PLXNB1: variants seen among roughly 807,000 people sequenced by gnomAD.
PLXNB1 encodes the protein plexin-B1.
A neutral mutation model predicts 209.4 loss-of-function variants in PLXNB1; 106 were observed. That is an observed-to-expected ratio of 0.51 (90% CI 0.43 to 0.59). The LOEUF (loss-of-function observed/expected upper bound fraction) is 0.59, where lower values mean the gene tolerates loss of function less well. PLXNB1 is among the 20% of genes least tolerant of loss of function. PLXNB1 has a pLI of 0.00. For missense variants in PLXNB1, 2,357 were observed against 2,853.2 expected, an observed-to-expected ratio of 0.83 and a Z score of 3.96; for synonymous variants, 1,167 against 1,183.2, an observed-to-expected ratio of 0.99 and a Z score of 0.28.
chr3:48,410,710 G>T lies in PLXNB1; in HGVS notation c.5417-152C>A. ...ACCAAGAGCAGGGACCCCCTCCCCA[G>T]ATGAGAGGCTGTCCAAGAAAGATGT... On this transcript the variant is annotated intron_variant, in intron 29 of 37. Transcript: ENST00000296440. The surrounding 1 kb of genome is among the most constrained non-coding windows in gnomAD (Gnocchi z 6.4). 1 of 940,476 alleles carries T rather than the reference G, an allele frequency of 1.1e-6. No homozygotes were observed. The highest frequency in any genetic ancestry group is 1.6e-6 in the Non-Finnish European group (1 of 621,564). 58.3% of individuals were successfully genotyped at this position (940,476 alleles called of 1,614,324 possible).
Position 48,405,379 on chromosome 3 carries a change from C to A in PLXNB1, c.6303+345G>T, listed in dbSNP as rs2037251366. On this transcript the variant is annotated intron_variant, in intron 37 of 37. Coordinates refer to ENST00000296440, the MANE Select transcript of PLXNB1 (RefSeq NM_001130082.3). The surrounding 1 kb of genome is among the most constrained non-coding windows in gnomAD (Gnocchi z 5.0). ...CCTCTTCGCAGCTCATGCAGCCAAGCCAGGCCTGCACTTGCATGTTGGCCG... is the reference window on the plus strand; with the variant it reads ...CCTCTTCGCAGCTCATGCAGCCAAGACAGGCCTGCACTTGCATGTTGGCCG... Among the ~76,000 whole-genome samples, 1 of 152,194 alleles carries A rather than the reference C, an allele frequency of 6.6e-6. No individual in the cohort carries two copies. Among genetic ancestry groups the A allele is most frequent in the African/African-American group, 2.4e-5 (1 of 41,462 alleles).
intron 7 of PLXNB1, 102 bp downstream of exon 7, chr3:48,421,572 C>CA (rs1473429429): frequency 4.8e-6 from 6 of 1,262,988 alleles, no homozygotes; most frequent in Non-Finnish European, 5.5e-6. Context: ...TGTGTGAGGC[C>CA]ATGTGGTATC....
Position 48,410,215 on chromosome 3 carries a change from C to T in PLXNB1, c.5605+81G>A. The stretch of plus-strand genomic sequence containing the variant: ...CCGAATGGAAATAGGCACAAGCCTG[C>T]CCTGAGGCCCAGAGGACCTTCCCCA... On this transcript the variant is annotated intron_variant, in intron 31 of 37. Coordinates refer to ENST00000296440, the MANE Select transcript of PLXNB1 (RefSeq NM_001130082.3). The surrounding 1 kb of genome is among the most constrained non-coding windows in gnomAD (Gnocchi z 6.4). 1.4e-6 allele frequency: 2 copies of T among 1,459,380 alleles called. No homozygotes were observed. Among genetic ancestry groups the T allele is most frequent in the Non-Finnish European group, 9.3e-7 (1 of 1,070,934 alleles). 90.4% of individuals were successfully genotyped at this position (1,459,380 alleles called of 1,614,324 possible).
intron 37 of PLXNB1, among the ~76,000 whole-genome samples, chr3:48,404,952 C>T (rs1179098152): frequency 6.6e-6 from 1 of 152,162 alleles, no homozygotes; most frequent in Non-Finnish European, 1.5e-5. Context: ...TGACCAGACA[C>T]GTGGTGGGAA....
In PLXNB1 at chr3:48,418,456, C is replaced by A; in HGVS notation, c.3042G>T (p.Gly1014=). 6.2e-7 allele frequency: 1 copy of A among 1,613,270 alleles called. No homozygotes were observed. The highest frequency in any genetic ancestry group is 8.5e-7 in the Non-Finnish European group (1 of 1,179,846). ...AGCCCGCAGGTGGCTCACCATGCAG[C>A]CCCTCAGCACTGTCCACACGCAGAC... ...AGRLRVDSAE[G]LHVVLYDCSV... Residue 1014 remains glycine, a synonymous_variant, in exon 14 of 38, where the codon GGG becomes GGT. Transcript: ENST00000296440. The surrounding 1 kb of genome is among the most constrained non-coding windows in gnomAD (Gnocchi z 6.6).
rs915352090 is a variant in PLXNB1 at position 48,410,811 on chromosome 3, G to A, written c.5416+57C>T. 5.3e-5 allele frequency: 81 copies of A among 1,518,480 alleles called. No homozygotes were observed. In the South Asian group the frequency reaches 7.1e-4, roughly 13 times the overall value. The allele number at this position is 1,518,480 out of a possible 1,614,324, so 94.1% of individuals were successfully genotyped here. ...TGAGTTGTCCCTGCAGAGTTGGTCC[G>A]GGGCCAGCCCAGGCCCAACAGTGGC... On this transcript the variant is annotated intron_variant, in intron 29 of 37. Coordinates refer to ENST00000296440, the MANE Select transcript of PLXNB1 (RefSeq NM_001130082.3). The surrounding 1 kb of genome is among the most constrained non-coding windows in gnomAD (Gnocchi z 6.4).
chr3:48,418,143 C>G lies in PLXNB1; in HGVS notation c.3222+48G>C, dbSNP rs1339886680. Reference sequence around the variant, plus strand: ...TCCCACCTTTGGGCCCCCACACCCTCCCTCTAAGGGCAGCACTGAGGAAGG... The same window carrying G: ...TCCCACCTTTGGGCCCCCACACCCTGCCTCTAAGGGCAGCACTGAGGAAGG... On this transcript the variant is annotated intron_variant, in intron 15 of 37. Coordinates refer to ENST00000296440, the MANE Select transcript of PLXNB1 (RefSeq NM_001130082.3). This position sits in a 1 kb window ranked among gnomAD's most constrained non-coding sequence, Gnocchi z 6.6. 6.2e-7 allele frequency: 1 copy of G among 1,609,212 alleles called. No homozygotes were observed. The highest frequency in any genetic ancestry group is 2.2e-5 in the East Asian group (1 of 44,782).
Position 48,429,872 on chromosome 3 carries a change from T to C in PLXNB1, c.-60+136A>G, listed in dbSNP as rs2107076234. Reference sequence around the variant, plus strand: ...CAGCGTCCCGGCCTCTTCCCGCCCGTCCAGAGCCGGGTAGCACCCGAGTCC... The same window carrying C: ...CAGCGTCCCGGCCTCTTCCCGCCCGCCCAGAGCCGGGTAGCACCCGAGTCC... On this transcript the variant is annotated intron_variant, in intron 1 of 37. Coordinates refer to ENST00000296440, the MANE Select transcript of PLXNB1 (RefSeq NM_001130082.3). This position sits in a 1 kb window ranked among gnomAD's most constrained non-coding sequence, Gnocchi z 6.4. 6.6e-6 allele frequency: 1 copy of C among 151,838 alleles called. No individual in the cohort carries two copies. Among genetic ancestry groups the C allele is most frequent in the South Asian group, 2.1e-4 (1 of 4,800 alleles). 9.4% of individuals were successfully genotyped at this position (151,838 alleles called of 1,614,324 possible). A position where few individuals can be genotyped will look rare whatever the true frequency, so the allele number is the denominator to read the frequency against.
At position 48,416,818 on chromosome 3, in the gene PLXNB1, T is replaced by G; in HGVS notation, c.3375-367A>C. 1 of 177,052 alleles carries G rather than the reference T, an allele frequency of 5.6e-6. No individual in the cohort carries two copies. The highest frequency in any genetic ancestry group is 1.2e-5 in the Non-Finnish European group (1 of 85,074). 11.0% of individuals were successfully genotyped at this position (177,052 alleles called of 1,614,324 possible). ...GTCCTCCGCCACGTCACATGCACAG[T>G]ACCCACTCAAAGCATGGTAGAAACT... On this transcript the variant is annotated intron_variant, in intron 16 of 37. Coordinates refer to ENST00000296440, the MANE Select transcript of PLXNB1 (RefSeq NM_001130082.3). This position sits in a 1 kb window ranked among gnomAD's most constrained non-coding sequence, Gnocchi z 4.1.
Position 48,420,585 on chromosome 3 carries a change from C to A in PLXNB1, c.2028+80G>T. Reference sequence around the variant, plus strand: ...CAGGACAGAGCCTCACATAGGCAGACAGACCCCGGGCCATGAGAAAAACTC... The same window carrying A: ...CAGGACAGAGCCTCACATAGGCAGAAAGACCCCGGGCCATGAGAAAAACTC... On this transcript the variant is annotated intron_variant, in intron 10 of 37. Coordinates refer to ENST00000296440, the MANE Select transcript of PLXNB1 (RefSeq NM_001130082.3). 3.4e-6 allele frequency: 4 copies of A among 1,163,086 alleles called. No homozygotes were observed. The South Asian group carries it at 5.1e-5, about 15-fold the overall frequency. The allele number at this position is 1,163,086 out of a possible 1,614,324, so 72.0% of individuals were successfully genotyped here.
At position 48,416,428 on chromosome 3, in the gene PLXNB1, C is replaced by A; in HGVS notation, c.3398G>T (p.Ser1133Ile). The change falls in exon 17 of 38, where the codon AGT (serine) becomes ATT (isoleucine). Residue 1133 changes from serine to isoleucine, a missense_variant. Coordinates refer to ENST00000296440, the MANE Select transcript of PLXNB1 (RefSeq NM_001130082.3). This position sits in a 1 kb window ranked among gnomAD's most constrained non-coding sequence, Gnocchi z 4.1. ...SSSLVCITGASGEEVAGATAV... is the reference protein window; with the variant it reads ...SSSLVCITGAIGEEVAGATAV... ...TGTGGCGCCGGCCACCTCCTCCCCACTGGCCCCGGTGATGCACACGAGGCT... is the reference window on the plus strand; with the variant it reads ...TGTGGCGCCGGCCACCTCCTCCCCAATGGCCCCGGTGATGCACACGAGGCT... The A allele has an allele frequency of 6.2e-7, 1 of 1,613,066 alleles. No individual in the cohort carries two copies. Among genetic ancestry groups the A allele is most frequent in the Non-Finnish European group, 8.5e-7 (1 of 1,179,850 alleles).
rs2038773613 is a variant in PLXNB1, at chr3:48,424,484, G to A, written c.128C>T (p.Thr43Ile). 6.2e-7 allele frequency: 1 copy of A among 1,603,404 alleles called. No individual in the cohort carries two copies. The highest frequency in any genetic ancestry group is 8.5e-7 in the Non-Finnish European group (1 of 1,175,024). The change falls in exon 3 of 38, where the codon ACC becomes ATC. Residue 43 changes from threonine to isoleucine, a missense_variant. This residue lies in a region of PLXNB1 where 107 missense variants were observed against 167.2 expected (regional missense o/e 0.64). Transcript: ENST00000296440. ...TYLQHLARDP[T>I]SGTLYLGATN... ...AGCCCCCAGGTAGAGGGTGCCTGAGGTGGGGTCCCTTGCCAGGTGCTGCAG... is the reference window on the plus strand; with the variant it reads ...AGCCCCCAGGTAGAGGGTGCCTGAGATGGGGTCCCTTGCCAGGTGCTGCAG...
rs1320855356 is a variant in PLXNB1 at position 48,416,090 on chromosome 3, C to T, written c.3558G>A (p.Lys1186=). The change falls in exon 18 of 38, where the codon AAG becomes AAA. Residue 1186 remains lysine, a synonymous_variant. Coordinates refer to ENST00000296440, the MANE Select transcript of PLXNB1 (RefSeq NM_001130082.3). This position sits in a 1 kb window ranked among gnomAD's most constrained non-coding sequence, Gnocchi z 4.1. Reference sequence around the variant, plus strand: ...TGTCCTCCAGCCGCCCAGTCAGGAGCTTGGAGCCATTCAGGGTGAGACGGG... The same window carrying T: ...TGTCCTCCAGCCGCCCAGTCAGGAGTTTGGAGCCATTCAGGGTGAGACGGG... The part of the protein sequence containing the change: ...GGTRLTLNGS[K]LLTGRLEDIR... 5 of 1,601,372 alleles carry T rather than the reference C, an allele frequency of 3.1e-6. No individual in the cohort carries two copies. The Admixed American group carries it at 8.6e-5, about 27-fold the overall frequency.
chr3:48,426,380 A>G (rs1009955151), intron 1 of PLXNB1, among the ~76,000 whole-genome samples: 9 of 152,236 alleles, frequency 5.9e-5, no homozygotes, highest in African/African-American at 2.2e-4. Context: ...GCTGGGACAG[A>G]CAATGCATCT....
Position 48,417,544 on chromosome 3 carries a change from A to G in PLXNB1, c.3374+367T>C, listed in dbSNP as rs2038181776. Among the ~76,000 whole-genome samples, 1 of 152,160 alleles carries G rather than the reference A, an allele frequency of 6.6e-6. No individual in the cohort carries two copies. Among genetic ancestry groups the G allele is most frequent in the Non-Finnish European group, 1.5e-5 (1 of 68,006 alleles). On this transcript the variant is annotated intron_variant, in intron 16 of 37. Transcript: ENST00000296440. The surrounding 1 kb of genome is among the most constrained non-coding windows in gnomAD (Gnocchi z 4.4). The stretch of plus-strand genomic sequence containing the variant: ...CAGCCCAGGACAATGCCTGGGGAAG[A>G]GTGAGCTGGTGAGAAGGCCAGCCCC...
Position 48,405,575 on chromosome 3 carries a change from A to T in PLXNB1, c.6303+149T>A. On this transcript the variant is annotated intron_variant, in intron 37 of 37. Transcript: ENST00000296440. This position sits in a 1 kb window ranked among gnomAD's most constrained non-coding sequence, Gnocchi z 5.0. ...ATGCCAGGAAGCCCGCCTGGAAAACACTTCTCAAGCCACCAAGGGGCCCGG... is the reference window on the plus strand; with the variant it reads ...ATGCCAGGAAGCCCGCCTGGAAAACTCTTCTCAAGCCACCAAGGGGCCCGG... 1.6e-6 allele frequency: 1 copy of T among 613,446 alleles called. No individual in the cohort carries two copies. The highest frequency in any genetic ancestry group is 2.9e-6 in the Non-Finnish European group (1 of 349,788). The allele number at this position is 613,446 out of a possible 1,614,324, so 38.0% of individuals were successfully genotyped here.
chr3:48,412,037 C>T, intron 27 of PLXNB1, 28 bp from the exon 28 acceptor site: 1 of 1,613,056 alleles, frequency 6.2e-7, no homozygotes, highest in Non-Finnish European at 8.5e-7. Flanking sequence ...GTTAGGGCCC[C>T]CCAGCAGGTG....
chr3:48,416,230 GAGAGA>G lies in PLXNB1; in HGVS notation c.3481-68_3481-64del. 1.9e-6 allele frequency: 3 copies of G among 1,560,986 alleles called. No individual in the cohort carries two copies. Among genetic ancestry groups the G allele is most frequent in the Non-Finnish European group, 2.6e-6 (3 of 1,144,506 alleles). On this transcript the variant is annotated intron_variant, in intron 17 of 37. Coordinates refer to ENST00000296440, the MANE Select transcript of PLXNB1 (RefSeq NM_001130082.3). This position sits in a 1 kb window ranked among gnomAD's most constrained non-coding sequence, Gnocchi z 4.1. Reference sequence around the variant, plus strand: ...AGACACATGGAGGCAGGGACAGCCTGAGAGACAGGCTGGCCCAGGACTGGGAGCCC... The same window carrying G: ...AGACACATGGAGGCAGGGACAGCCTGCAGGCTGGCCCAGGACTGGGAGCCC...
Position 48,416,487 on chromosome 3 carries a change from G to T in PLXNB1, c.3375-36C>A. On this transcript the variant is annotated intron_variant, in intron 16 of 37. Coordinates refer to ENST00000296440, the MANE Select transcript of PLXNB1 (RefSeq NM_001130082.3). This position sits in a 1 kb window ranked among gnomAD's most constrained non-coding sequence, Gnocchi z 4.1. Reference sequence around the variant, plus strand: ...AGGGCAGGCTAGGGGGTGCCAGGCTGCATCAAGGGCCCCTCAAGCTTACCT... The same window carrying T: ...AGGGCAGGCTAGGGGGTGCCAGGCTTCATCAAGGGCCCCTCAAGCTTACCT... 1 of 1,442,852 alleles carries T rather than the reference G, an allele frequency of 6.9e-7. No homozygotes were observed. Among genetic ancestry groups the T allele is most frequent in the Non-Finnish European group, 9.6e-7 (1 of 1,038,700 alleles). 89.4% of individuals were successfully genotyped at this position (1,442,852 alleles called of 1,614,324 possible). A position where few individuals can be genotyped will look rare whatever the true frequency, so the allele number is the denominator to read the frequency against.
Sources: gnomAD v4.1 joint callset for allele counts (sites outside exome capture counted in the v4.1 genomes callset) on GRCh38, gnomAD v4.1.1 for gene constraint, gnomAD v4.1.1 regional missense constraint, Gnocchi (gnomAD v3.1) non-coding constraint, MANE v1.5 for transcripts, NCBI Gene and HGNC (gene_info 2026-07-23, HGNC 2026-07-21) for gene names.